OSBPL10: variants seen among roughly 807,000 people sequenced by gnomAD.
OSBPL10 encodes the protein oxysterol-binding protein-related protein 10.
OSBPL10 carries 49 observed loss-of-function variants against 81.7 expected under a neutral mutation model. The observed-to-expected ratio is 0.60, with a 90% CI of 0.48 to 0.76. The LOEUF is 0.76. Among genes scored for constraint, OSBPL10 ranks in the 30% least tolerant of loss-of-function variants. OSBPL10 has a pLI of 0.00. For synonymous variants in OSBPL10, 419 were observed against 383.6 expected (o/e 1.09, Z -1.08); for missense variants, 923 against 987.8 (o/e 0.93, Z 0.88).
rs1314431084 is a variant in OSBPL10 at position 32,060,608 on chromosome 3, G to A, written n.186-14005C>T. Among the ~76,000 whole-genome samples the A allele has an allele frequency of 6.0e-5, 2 of 33,354 alleles. 1 individual carries two copies. The allele number at this position is 33,354 out of a possible 152,430, so 21.9% of individuals were successfully genotyped here. A position where few individuals can be genotyped will look rare whatever the true frequency, so the allele number is the denominator to read the frequency against. ...CAAGCATTCTCTTCCATTGCAGCCA[G>A]AATTAAGTTCAAACAGGCAAATTTG... On this transcript the variant is annotated intron_variant and non_coding_transcript_variant, in intron 1 of 3. Transcript: ENST00000479173.
At chr3:31,856,263 A>C (rs2125586709) in intron 3 of OSBPL10, among the ~76,000 whole-genome samples, 1 of 152,232 alleles carries the variant, frequency 6.6e-6, no homozygotes, top group East Asian at 1.9e-4. Flanking sequence ...ACAATTAAAA[A>C]AATCCCCAAA....
chr3:31,949,667 CAAAAAAAAAAAAAAAA>C (rs56002214), intron 1 of OSBPL10, among the ~76,000 whole-genome samples: 63 of 26,258 alleles, frequency 2.4e-3, no homozygotes, highest in Admixed American at 4.1e-3. Context: ...GACTCTGTCT[CAAAAAAAAAAAAAAAA>C]AAAAAAAAAA....
intron 3 of OSBPL10, among the ~76,000 whole-genome samples, chr3:31,860,196 C>T (rs973153412): frequency 6.6e-6 from 1 of 152,156 alleles, no homozygotes; most frequent in African/African-American, 2.4e-5. Context: ...TTTGAAGAAG[C>T]CTGCACCTCG....
intron 8 of OSBPL10, among the ~76,000 whole-genome samples, chr3:31,672,757 A>G (rs1700358467): frequency 6.6e-6 from 1 of 152,078 alleles, no homozygotes; most frequent in Non-Finnish European, 1.5e-5. Context: ...CCAAGCTGAC[A>G]TGCTAGTATG....
chr3:31,976,511 G>T (rs1412020115), intron 1 of OSBPL10, among the ~76,000 whole-genome samples: 1 of 152,162 alleles, frequency 6.6e-6, no homozygotes, highest in Admixed American at 6.5e-5. Flanking sequence ...GGAGTCCAGT[G>T]GTGTGATCAT....
intron 2 of OSBPL10, among the ~76,000 whole-genome samples, chr3:32,041,057 G>A (rs796782359): frequency 2.0e-5 from 3 of 152,230 alleles, no homozygotes; most frequent in African/African-American, 7.2e-5. Flanking sequence ...AACCAAACAG[G>A]TTCAGGTATA....
intron 7 of OSBPL10, among the ~76,000 whole-genome samples, chr3:31,688,275 T>TCACACA (rs1700844894): frequency 2.7e-5 from 2 of 74,940 alleles, no homozygotes; most frequent in African/African-American, 6.9e-5. Context: ...AATCTCTCTC[T>TCACACA]CTCTCTCTCA....
At chr3:31,996,187 A>C (rs1699088880) in intron 2 of OSBPL10, among the ~76,000 whole-genome samples, 1 of 152,232 alleles carries the variant, frequency 6.6e-6, no homozygotes, top group African/African-American at 2.4e-5. Context: ...CCAGAATGGA[A>C]GATTACCAAA....
intron 6 of OSBPL10, among the ~76,000 whole-genome samples, chr3:31,712,015 G>C (rs1264984777): frequency 6.6e-6 from 1 of 152,088 alleles, no homozygotes; most frequent in African/African-American, 2.4e-5. Context: ...TCACCAAAGA[G>C]GAGCACTTAA....
chr3:31,965,885 TAACA>T (rs1559535480), intron 1 of OSBPL10, among the ~76,000 whole-genome samples: 10 of 90,222 alleles, frequency 1.1e-4, no homozygotes, highest in South Asian at 3.2e-4. Flanking sequence ...ATAAAATAGA[TAACA>T]TATATTATAT....
At chr3:31,883,168 G>A (rs35201360) in intron 1 of OSBPL10, among the ~76,000 whole-genome samples, 14,713 of 152,042 alleles carry the variant, frequency 0.097, 811 homozygotes, top group Middle Eastern at 0.17. Context: ...ACTACAGCAC[G>A]TTGTGCCATG....
Position 31,980,908 on chromosome 3 carries a change from C to T in OSBPL10, c.272G>A (p.Trp91Ter). The change falls in exon 1 of 12, where the codon TGG (tryptophan) becomes TAG (stop). Residue 91 changes from tryptophan to a stop codon, truncating the protein, a stop_gained. Coordinates refer to ENST00000396556, the MANE Select transcript of OSBPL10 (RefSeq NM_017784.5). LOFTEE classifies it high-confidence loss of function. ...LSKYTNLLQG[W>*]QNRYFVLDFE... ...GCGGCTGGCGCGTTACCTGTTCTGC[C>T]AGCCCTGGAGGAGGTTGGTGTATTT... is the stretch of plus-strand genomic sequence containing the variant. 1 of 1,573,758 alleles carries T rather than the reference C, an allele frequency of 6.4e-7. No individual in the cohort carries two copies. The highest frequency in any genetic ancestry group is 8.6e-7 in the Non-Finnish European group (1 of 1,163,478).
Position 31,668,653 on chromosome 3 carries a change from G to T in OSBPL10, c.2085C>A (p.Pro695=). 6.2e-7 allele frequency: 1 copy of T among 1,613,150 alleles called. No individual in the cohort carries two copies. The highest frequency in any genetic ancestry group is 8.5e-7 in the Non-Finnish European group (1 of 1,179,424). Residue 695 remains proline, a synonymous_variant, in exon 10 of 12, where the codon CCC becomes CCA. Coordinates refer to ENST00000396556, the MANE Select transcript of OSBPL10 (RefSeq NM_017784.5). The stretch of plus-strand genomic sequence containing the variant: ...AGCCCGGTTCTCACCTGGACTCCAT[G>T]GGTCCCTGCTTCTCAAGAGGTCTGA... ...KKIRPLEKQG[P]MESRNLWREV...
chr3:31,724,899 G>T (rs770936622), intron 6 of OSBPL10, among the ~76,000 whole-genome samples: 1 of 152,152 alleles, frequency 6.6e-6, no homozygotes, highest in African/African-American at 2.4e-5. Context: ...TAGCCTATGA[G>T]ATAACCATAG....
intron 4 of OSBPL10, among the ~76,000 whole-genome samples, chr3:31,751,345 T>C (rs1382813413): frequency 6.6e-6 from 1 of 151,452 alleles, no homozygotes; most frequent in South Asian, 2.1e-4. Flanking sequence ...AGACCTTGTC[T>C]CAAAATAAAT....
At chr3:31,794,254 C>T (rs1383850424) in intron 4 of OSBPL10, among the ~76,000 whole-genome samples, 1 of 152,222 alleles carries the variant, frequency 6.6e-6, no homozygotes, top group African/African-American at 2.4e-5. Context: ...AAGCAATTCT[C>T]CTGCCTCAGC....
At chr3:31,668,891 C>A in intron 9 of OSBPL10, 67 bp from the exon 10 acceptor site, 5 of 1,351,060 alleles carry the variant, frequency 3.7e-6, no homozygotes, top group South Asian at 2.1e-5. Flanking sequence ...CAAAGGTACA[C>A]CCATCTCTAG....
chr3:31,970,188 T>G (rs1698517693), intron 1 of OSBPL10, among the ~76,000 whole-genome samples: 1 of 152,218 alleles, frequency 6.6e-6, no homozygotes, highest in South Asian at 2.1e-4. Flanking sequence ...CAATTAGGGT[T>G]AGATCTGACT....
chr3:31,917,376 T>TA lies in OSBPL10; in HGVS notation c.282-37547dup, dbSNP rs1447452351. Among the ~76,000 whole-genome samples, 9 of 152,242 alleles carry TA rather than the reference T, an allele frequency of 5.9e-5. No individual in the cohort carries two copies. The East Asian group carries it at 1.7e-3, about 29-fold the overall frequency. On this transcript the variant is annotated intron_variant, in intron 1 of 11. Coordinates refer to ENST00000396556, the MANE Select transcript of OSBPL10 (RefSeq NM_017784.5). ...GTGAAAAATGAAAAGAATAAATCCT[T>TA]ACTGCTTGACTAGAGAAAAAAAGTA...
Sources: allele counts gnomAD v4.1 joint callset (sites outside exome capture counted in the v4.1 genomes callset), GRCh38; gene constraint gnomAD v4.1.1; transcripts MANE v1.5; gene names NCBI Gene and HGNC (gene_info 2026-07-23, HGNC 2026-07-21).